Variants in GLIS1 observed in about 807,000 individuals in gnomAD.
GLIS1 encodes GLIS family zinc finger 1, also known as zinc finger protein GLIS1.
Under a neutral mutation model 63.8 loss-of-function variants are expected in GLIS1, and 24 were observed. The observed-to-expected ratio is 0.38, with a 90% CI of 0.27 to 0.53. The LOEUF (loss-of-function observed/expected upper bound fraction) is 0.53, where lower values mean the gene tolerates loss of function less well. Among genes scored for constraint, GLIS1 ranks in the 20% least tolerant of loss-of-function variants. The probability of loss-of-function intolerance (pLI) is 0.85; values close to 1 mark genes in which losing one functional copy is unlikely to be tolerated. For missense variants in GLIS1, 1,036 were observed against 1,074.1 expected, an observed-to-expected ratio of 0.96 and a Z score of 0.50; for synonymous variants, 450 against 482.5, an observed-to-expected ratio of 0.93 and a Z score of 0.88.
rs184845676 is a variant in GLIS1, at chr1:53,605,516, C to T, written c.260-5238G>A. Among the ~76,000 whole-genome samples, 59 of 152,324 alleles carry T rather than the reference C, an allele frequency of 3.9e-4. No individual in the cohort carries two copies. The East Asian group carries it at 0.011, about 28-fold the overall frequency. On this transcript the variant is annotated intron_variant, in intron 2 of 10. Coordinates refer to ENST00000628545, the MANE Select transcript of GLIS1 (RefSeq NM_001367484.1). The stretch of plus-strand genomic sequence containing the variant: ...AGGTGCGCCTTCTGCACATCCAGCA[C>T]GTGCCAAATCCTTCCCATGGTTTTT...
rs1226585316 is a variant in GLIS1, at chr1:53,529,970, G to A, written c.1321-18C>T. On this transcript the variant is annotated intron_variant, in intron 4 of 10. Transcript: ENST00000628545. ...CCTTCAAACTGCAGGAGAGGCTGGTGAGGGGAACTCCCAGCCCGGTGGGCA... is the reference window on the plus strand; with the variant it reads ...CCTTCAAACTGCAGGAGAGGCTGGTAAGGGGAACTCCCAGCCCGGTGGGCA... 1.2e-6 allele frequency: 2 copies of A among 1,609,862 alleles called. No individual in the cohort carries two copies. The highest frequency in any genetic ancestry group is 8.5e-7 in the Non-Finnish European group (1 of 1,178,034).
intron 2 of GLIS1, among the ~76,000 whole-genome samples, chr1:53,727,352 G>C (rs767678970): frequency 1.4e-5 from 2 of 144,602 alleles, no homozygotes; most frequent in Non-Finnish European, 3.1e-5. Context: ...GGAGATCTTG[G>C]GTGTGGACAC....
At chr1:53,516,536 TAA>T (rs879486758) in intron 7 of GLIS1, among the ~76,000 whole-genome samples, 2 of 144,554 alleles carry the variant, frequency 1.4e-5, no homozygotes, top group East Asian at 4.0e-4. Context: ...TGGAAACCGT[TAA>T]AAAAAAAAAC....
chr1:53,525,180 C>G (rs1201534974), intron 5 of GLIS1, among the ~76,000 whole-genome samples: 1 of 151,988 alleles, frequency 6.6e-6, no homozygotes, highest in Admixed American at 6.5e-5. Context: ...AAGGGTTCTT[C>G]CAGGTCAGAC....
chr1:53,577,340 G>C (rs1645042195), intron 4 of GLIS1, among the ~76,000 whole-genome samples: 1 of 152,064 alleles, frequency 6.6e-6, no homozygotes, highest in Non-Finnish European at 1.5e-5. Context: ...AGAGGCTGGA[G>C]CCCTCAACTG....
chr1:53,674,323 A>T (rs1424480199), intron 2 of GLIS1, among the ~76,000 whole-genome samples: 1 of 152,206 alleles, frequency 6.6e-6, no homozygotes, highest in Non-Finnish European at 1.5e-5. Context: ...ACCTGCTAGA[A>T]ATCCAAATTC....
At position 53,738,122 on chromosome 1, in the gene GLIS1, A is replaced by ATGTC; in HGVS notation, c.-42-17_-42-16insGACA. On this transcript the variant is annotated splice_polypyrimidine_tract_variant and intron_variant, in intron 1 of 10. Transcript: ENST00000628545. Reference sequence around the variant, plus strand: ...CGCCGGGCTCCTGGGGAGGGGAGACAGCACAGCCAGTTAGAATGCGGAAAG... The same window carrying ATGTC: ...CGCCGGGCTCCTGGGGAGGGGAGACATGTCGCACAGCCAGTTAGAATGCGGAAAG... 8.2e-7 allele frequency: 1 copy of ATGTC among 1,212,388 alleles called. No individual in the cohort carries two copies. The highest frequency in any genetic ancestry group is 1.0e-6 in the Non-Finnish European group (1 of 971,224). The allele number at this position is 1,212,388 out of a possible 1,614,324, so 75.1% of individuals were successfully genotyped here.
At chr1:53,718,394 T>C (rs1242004392) in intron 2 of GLIS1, among the ~76,000 whole-genome samples, 1 of 152,028 alleles carries the variant, frequency 6.6e-6, no homozygotes, top group Admixed American at 6.6e-5. Flanking sequence ...TCACAGGAAT[T>C]TGACAGACTG....
At chr1:53,734,383 A>T (rs1049185570) in intron 2 of GLIS1, among the ~76,000 whole-genome samples, 1 of 152,222 alleles carries the variant, frequency 6.6e-6, no homozygotes, top group Non-Finnish European at 1.5e-5. Flanking sequence ...AAAGCAAAAG[A>T]CATTTTTAAA....
At chr1:53,522,359 C>T (rs962815727) in intron 6 of GLIS1, among the ~76,000 whole-genome samples, 5 of 152,310 alleles carry the variant, frequency 3.3e-5, no homozygotes, top group Admixed American at 6.5e-5. Context: ...GGGCTCAGTG[C>T]GAGCCAAGCA....
At chr1:53,707,661 A>G (rs1175803448) in intron 2 of GLIS1, among the ~76,000 whole-genome samples, 3 of 152,030 alleles carry the variant, frequency 2.0e-5, no homozygotes, top group Non-Finnish European at 2.9e-5. Flanking sequence ...AAAAAAAAAA[A>G]GAAATCAAAA....
chr1:53,647,543 C>T (rs1006677683), intron 2 of GLIS1, among the ~76,000 whole-genome samples: 1 of 152,126 alleles, frequency 6.6e-6, no homozygotes, highest in Non-Finnish European at 1.5e-5. Context: ...AACATAAAAA[C>T]CAAATCCAGA....
intron 2 of GLIS1, among the ~76,000 whole-genome samples, chr1:53,736,978 A>AT (rs1553143213): frequency 1.3e-5 from 1 of 77,394 alleles, no homozygotes; most frequent in Non-Finnish European, 3.7e-5. Flanking sequence ...GTTTCCCCTA[A>AT]GGGAAAAAAA....
At chr1:53,553,568 A>T (rs1644784662) in intron 4 of GLIS1, among the ~76,000 whole-genome samples, 1 of 152,218 alleles carries the variant, frequency 6.6e-6, no homozygotes, top group African/African-American at 2.4e-5. Context: ...CAAGTAAGCA[A>T]ATGAGTAAGA....
rs1646928879 is a variant in GLIS1 at position 53,737,964 on chromosome 1, A to T, written c.101T>A (p.Met34Lys). 4 of 1,230,124 alleles carry T rather than the reference A, an allele frequency of 3.3e-6. No individual in the cohort carries two copies. Among genetic ancestry groups the T allele is most frequent in the South Asian group, 8.2e-5 (2 of 24,310 alleles). The allele number at this position is 1,230,124 out of a possible 1,614,324, so 76.2% of individuals were successfully genotyped here. Residue 34 changes from methionine (M) to lysine (K), a missense_variant, in exon 2 of 11, where the codon ATG becomes AAG. By Grantham distance (95) the Met-to-Lys change is moderately conservative. This residue lies in a region of GLIS1 where 592 missense variants were observed against 593.9 expected (regional missense o/e 1.00). Coordinates refer to ENST00000628545, the MANE Select transcript of GLIS1 (RefSeq NM_001367484.1). The stretch of plus-strand genomic sequence containing the variant: ...GCCACTCACGGTGACCCTGAAGGCC[A>T]TGTGCGCGCCGAGGCTGGCGGGGCC... The part of the protein sequence containing the change: ...DRGPASLGAH[M>K]AFRVTVSGGG...
intron 2 of GLIS1, among the ~76,000 whole-genome samples, chr1:53,613,423 C>T (rs534092055): frequency 5.1e-4 from 77 of 152,140 alleles, no homozygotes; most frequent in African/African-American, 1.8e-3. Flanking sequence ...AAAGAATATG[C>T]AAAATTTTAA....
chr1:53,654,602 C>T (rs77551835), intron 2 of GLIS1, among the ~76,000 whole-genome samples: 6,620 of 152,154 alleles, frequency 0.044, 457 homozygotes, highest in African/African-American at 0.14. Context: ...GGAACCAGAA[C>T]GGGGACTGGG....
intron 2 of GLIS1, among the ~76,000 whole-genome samples, chr1:53,679,183 G>C (rs1309818883): frequency 6.6e-6 from 1 of 152,166 alleles, no homozygotes; most frequent in Non-Finnish European, 1.5e-5. Flanking sequence ...TGATGGGAGG[G>C]GGAAGGGGCC....
chr1:53,637,144 A>G (rs1645734343), intron 2 of GLIS1, among the ~76,000 whole-genome samples: 1 of 152,216 alleles, frequency 6.6e-6, no homozygotes, highest in Admixed American at 6.5e-5. Context: ...CCTCTGTGCC[A>G]GCCCTGGGCT....
Sources: allele counts gnomAD v4.1 joint callset (sites outside exome capture counted in the v4.1 genomes callset), GRCh38; gene constraint gnomAD v4.1.1; regional missense constraint gnomAD v4.1.1; transcripts MANE v1.5; gene names NCBI Gene and HGNC (gene_info 2026-07-23, HGNC 2026-07-21).